The following OXR1 variants were observed in gnomAD, a reference collection of about 807,000 sequenced individuals.
OXR1 encodes the protein oxidation resistance protein 1.
Under a neutral mutation model 104.6 loss-of-function variants are expected in OXR1, and 41 were observed. The ratio of observed to expected loss-of-function variants is 0.39; its 90% CI spans 0.31 to 0.51. The LOEUF (loss-of-function observed/expected upper bound fraction) is 0.51. Ranked by LOEUF, OXR1 falls within the 20% of genes least tolerant of loss-of-function variation. The pLI, the probability that OXR1 is intolerant of heterozygous loss-of-function variation, is 0.77. For missense variants in OXR1, 955 were observed against 1,031.9 expected (o/e 0.93, Z 1.02); for synonymous variants, 348 against 348.4 (o/e 1.00, Z 0.01).
chr8:106,520,011 C>CA (rs1239635153), intron 3 of OXR1, among the ~76,000 whole-genome samples: 1 of 151,924 alleles, frequency 6.6e-6, no homozygotes, highest in Non-Finnish European at 1.5e-5. Flanking sequence ...CAAATCCACC[C>CA]AAAAAGAGTG....
intron 1 of OXR1, among the ~76,000 whole-genome samples, chr8:106,289,250 A>G (rs1230576736): frequency 6.6e-6 from 1 of 152,208 alleles, no homozygotes; most frequent in Non-Finnish European, 1.5e-5. Context: ...CTTCGCTTCT[A>G]TACCTAGAAA....
chr8:106,398,943 C>T (rs1194226447), intron 2 of OXR1, among the ~76,000 whole-genome samples: 2 of 152,068 alleles, frequency 1.3e-5, no homozygotes, highest in Non-Finnish European at 2.9e-5. Flanking sequence ...GGATTTTTTT[C>T]TCATCTTCCC....
chr8:106,291,822 G>A (rs1812768017), intron 1 of OXR1, among the ~76,000 whole-genome samples: 1 of 152,164 alleles, frequency 6.6e-6, no homozygotes, highest in African/African-American at 2.4e-5. Flanking sequence ...CTAGGTGGCA[G>A]GCAAGAGAGC....
intron 2 of OXR1, among the ~76,000 whole-genome samples, chr8:106,436,129 G>A (rs1586641276): frequency 6.6e-6 from 1 of 151,878 alleles, no homozygotes; most frequent in East Asian, 1.9e-4. Context: ...AAAAATTAGA[G>A]CTAGTAATTA....
intron 1 of OXR1, among the ~76,000 whole-genome samples, chr8:106,291,899 C>T (rs1486802757): frequency 2.0e-5 from 3 of 152,086 alleles, no homozygotes; most frequent in African/African-American, 7.2e-5. Flanking sequence ...ACCATGAGAA[C>T]AGCAAGGGAA....
chr8:106,563,296 C>CAAAAAAAAAAA (rs145929849), intron 3 of OXR1, among the ~76,000 whole-genome samples: 48 of 125,682 alleles, frequency 3.8e-4, no homozygotes, highest in African/African-American at 6.5e-4. Flanking sequence ...AAATGGAAAG[C>CAAAAAAAAAAA]AAAAAAAAAA....
At chr8:106,564,161 G>A (rs201223484) in intron 3 of OXR1, among the ~76,000 whole-genome samples, 3 of 151,904 alleles carry the variant, frequency 2.0e-5, no homozygotes, top group African/African-American at 7.3e-5. Flanking sequence ...ATAAAGACAC[G>A]AAAAGCCCTT....
intron 3 of OXR1, among the ~76,000 whole-genome samples, chr8:106,556,296 G>A (rs1213087015): frequency 6.6e-6 from 1 of 152,084 alleles, no homozygotes; most frequent in Non-Finnish European, 1.5e-5. Context: ...TTTATGTTAT[G>A]CACATTTTGC....
intron 7 of OXR1, among the ~76,000 whole-genome samples, chr8:106,702,602 C>T (rs531446017): frequency 6.6e-6 from 1 of 152,114 alleles, no homozygotes; most frequent in Admixed American, 6.6e-5. Context: ...TAAAAGGTGG[C>T]GCTTCTTACC....
intron 10 of OXR1, among the ~76,000 whole-genome samples, chr8:106,713,064 G>A (rs1161058614): frequency 2.0e-5 from 3 of 151,924 alleles, no homozygotes; most frequent in African/African-American, 7.2e-5. Flanking sequence ...AAGATAAAAT[G>A]TAGCACCTTT....
intron 1 of OXR1, among the ~76,000 whole-genome samples, chr8:106,280,705 C>T (rs970160114): frequency 3.3e-5 from 5 of 151,972 alleles, no homozygotes; most frequent in Non-Finnish European, 7.4e-5. Context: ...CTGAAGTGTG[C>T]ACTTAAAAAC....
At chr8:106,414,178 G>A (rs1039050619) in intron 2 of OXR1, among the ~76,000 whole-genome samples, 5 of 151,968 alleles carry the variant, frequency 3.3e-5, no homozygotes, top group Admixed American at 2.0e-4. Context: ...TGTTATTTGG[G>A]ACTTTATTTC....
intron 2 of OXR1, among the ~76,000 whole-genome samples, chr8:106,376,580 T>C (rs1816915356): frequency 6.6e-6 from 1 of 152,196 alleles, no homozygotes; most frequent in South Asian, 2.1e-4. Context: ...CTTTCTTCCT[T>C]TAGTTTGAAA....
At chr8:106,403,620 C>A (rs1379809309) in intron 2 of OXR1, among the ~76,000 whole-genome samples, 2 of 152,208 alleles carry the variant, frequency 1.3e-5, no homozygotes, top group Non-Finnish European at 2.9e-5. Context: ...TCTCCTTGAG[C>A]CTTTGAATTT....
At chr8:106,458,993 A>T (rs145671360) in intron 2 of OXR1, among the ~76,000 whole-genome samples, 179 of 151,986 alleles carry the variant, frequency 1.2e-3, no homozygotes, top group African/African-American at 4.1e-3. Context: ...TTTAGATGAG[A>T]CTCTGGACTT....
At chr8:106,693,424 C>CTTTTTTTTTTTTTTTTTTTTTTTTT (rs11384137) in intron 7 of OXR1, among the ~76,000 whole-genome samples, 1 of 97,556 alleles carries the variant, frequency 1.0e-5, no homozygotes, top group African/African-American at 4.1e-5. Flanking sequence ...TAGTCAGAAT[C>CTTTTTTTTTTTTTTTTTTTTTTTTT]TTTTTTTTTT....
chr8:106,297,954 C>T (rs1436046035), intron 1 of OXR1, among the ~76,000 whole-genome samples: 1 of 152,124 alleles, frequency 6.6e-6, no homozygotes, highest in Non-Finnish European at 1.5e-5. Flanking sequence ...ATTGCCCTGG[C>T]AGATACATAA....
chr8:106,566,054 A>G (rs572013296), intron 3 of OXR1, among the ~76,000 whole-genome samples: 1 of 152,362 alleles, frequency 6.6e-6, no homozygotes, highest in South Asian at 2.1e-4. Flanking sequence ...CATTCAGGAC[A>G]TAGGCATGGG....
At chr8:106,581,003 C>A in intron 3 of OXR1, 1 of 1,067,512 alleles carries the variant, frequency 9.4e-7, no homozygotes, top group Non-Finnish European at 1.1e-6. Flanking sequence ...TCTTACCCAG[C>A]ACTAAAAGCT....
Sources: allele counts gnomAD v4.1 joint callset (sites outside exome capture counted in the v4.1 genomes callset), GRCh38; gene constraint gnomAD v4.1.1; transcripts MANE v1.5; gene names NCBI Gene and HGNC (gene_info 2026-07-23, HGNC 2026-07-21).